The following CSMD1 variants were observed in gnomAD, a reference collection of about 807,000 sequenced individuals.
CSMD1 encodes the protein CUB and Sushi multiple domains 1.
In CSMD1, 213 loss-of-function variants were observed where a neutral mutation model predicts 417.5. The observed-to-expected ratio is 0.51, with a 90% CI of 0.46 to 0.57. CSMD1 has a LOEUF of 0.57. CSMD1 is among the 20% of genes least tolerant of loss of function. CSMD1 has a pLI of 0.00. For missense variants in CSMD1, 6,923 were observed against 4,529.7 expected, an observed-to-expected ratio of 1.53 and a Z score of -15.17; for synonymous variants, 2,862 against 1,736.8, an observed-to-expected ratio of 1.65 and a Z score of -16.11.
At chr8:4,389,738 T>C (rs2128923149) in intron 3 of CSMD1, among the ~76,000 whole-genome samples, 1 of 152,300 alleles carries the variant, frequency 6.6e-6, no homozygotes, top group South Asian at 2.1e-4. Context: ...TTGGCATGAG[T>C]AGTTACACAA....
chr8:3,585,188 T>C (rs1334950837), intron 9 of CSMD1, among the ~76,000 whole-genome samples: 1 of 152,170 alleles, frequency 6.6e-6, no homozygotes, highest in Non-Finnish European at 1.5e-5. Flanking sequence ...ATTCTTAGCT[T>C]AGAGGACGAT....
chr8:3,911,421 G>A (rs1808457226), intron 5 of CSMD1, among the ~76,000 whole-genome samples: 1 of 151,550 alleles, frequency 6.6e-6, no homozygotes, highest in Admixed American at 6.6e-5. Flanking sequence ...CCAGTTACTC[G>A]GGAGGCTGAG....
intron 2 of CSMD1, among the ~76,000 whole-genome samples, chr8:4,450,321 C>G (rs6558884): frequency 0.26 from 39,190 of 152,006 alleles, 6,725 homozygotes; most frequent in African/African-American, 0.49. Flanking sequence ...AGTATTTTTT[C>G]TTTGTTTTTT....
chr8:4,084,591 G>T (rs1431340458), intron 3 of CSMD1, among the ~76,000 whole-genome samples: 2 of 152,066 alleles, frequency 1.3e-5, no homozygotes. Flanking sequence ...AACCTTGTTG[G>T]GAGAGAGAAA....
rs1022092502 is a variant in CSMD1 at position 3,462,126 on chromosome 8, C to T, written c.1561+6586G>A. 4.2e-5 allele frequency among the ~76,000 whole-genome samples: 6 copies of T among 141,992 alleles called. No homozygotes were observed. The East Asian group carries it at 8.1e-4, about 19-fold the overall frequency. 93.2% of individuals were successfully genotyped at this position (141,992 alleles called of 152,430 possible). A position where few individuals can be genotyped will look rare whatever the true frequency, so the allele number is the denominator to read the frequency against. On this transcript the variant is annotated intron_variant, in intron 12 of 69. Coordinates refer to ENST00000635120, the MANE Select transcript of CSMD1 (RefSeq NM_033225.6). ...GGTGCTCTCTTCAGAATCCAGGCCC[C>T]CCCCCCCACCTCCCAGCTGCTCGGG...
chr8:3,196,917 T>C, intron 33 of CSMD1, among the ~76,000 whole-genome samples: 1 of 152,192 alleles, frequency 6.6e-6, no homozygotes, highest in East Asian at 1.9e-4. Context: ...GATACATCCA[T>C]GCTGAAGGGT....
intron 1 of CSMD1, among the ~76,000 whole-genome samples, chr8:4,988,755 A>C (rs953289631): frequency 4.6e-5 from 7 of 152,262 alleles, no homozygotes; most frequent in Non-Finnish European, 8.8e-5. Flanking sequence ...AAATGGTTTA[A>C]AGAAAATTGC....
chr8:3,340,143 C>G, intron 23 of CSMD1, among the ~76,000 whole-genome samples: 1 of 152,156 alleles, frequency 6.6e-6, no homozygotes, highest in African/African-American at 2.4e-5. Flanking sequence ...ATAAGTTCAT[C>G]AGCAATTCTG....
chr8:4,716,242 C>T (rs1314304032), intron 1 of CSMD1, among the ~76,000 whole-genome samples: 1 of 152,170 alleles, frequency 6.6e-6, no homozygotes, highest in Non-Finnish European at 1.5e-5. Flanking sequence ...GCCAAGAATC[C>T]TTACACTTCA....
At chr8:3,211,570 G>A (rs1797608965) in intron 30 of CSMD1, among the ~76,000 whole-genome samples, 1 of 152,150 alleles carries the variant, frequency 6.6e-6, no homozygotes, top group Non-Finnish European at 1.5e-5. Context: ...ACTAGTTTTG[G>A]GGAGCCTTAT....
intron 3 of CSMD1, among the ~76,000 whole-genome samples, chr8:4,224,327 C>T (rs1801218023): frequency 6.6e-6 from 1 of 152,132 alleles, no homozygotes; most frequent in African/African-American, 2.4e-5. Flanking sequence ...AGTCCAAGAG[C>T]ACATTTTGGC....
intron 7 of CSMD1, among the ~76,000 whole-genome samples, chr8:3,690,777 T>C (rs1313593211): frequency 1.3e-5 from 2 of 152,196 alleles, no homozygotes; most frequent in African/African-American, 2.4e-5. Context: ...AAGATAAAGT[T>C]TAATTTATAA....
At chr8:4,221,356 C>G (rs1269426339) in intron 3 of CSMD1, among the ~76,000 whole-genome samples, 1 of 147,110 alleles carries the variant, frequency 6.8e-6, no homozygotes. Flanking sequence ...CACAAAGAAG[C>G]CCATCTCTAC....
At chr8:3,632,744 G>A (rs995005617) in intron 7 of CSMD1, among the ~76,000 whole-genome samples, 1 of 152,170 alleles carries the variant, frequency 6.6e-6, no homozygotes, top group Non-Finnish European at 1.5e-5. Flanking sequence ...CAATGTCCTT[G>A]CCAAGTTTTG....
intron 26 of CSMD1, among the ~76,000 whole-genome samples, chr8:3,231,100 G>A (rs576799057): frequency 6.6e-6 from 1 of 152,146 alleles, no homozygotes; most frequent in African/African-American, 2.4e-5. Context: ...TTTCACCAGA[G>A]TATCCCCCAT....
At chr8:4,619,801 A>T (rs975139834) in intron 2 of CSMD1, among the ~76,000 whole-genome samples, 4 of 152,178 alleles carry the variant, frequency 2.6e-5, no homozygotes, top group Non-Finnish European at 5.9e-5. Context: ...CATATCACAT[A>T]GCACATATCA....
At chr8:4,593,541 T>C (rs930852113) in intron 2 of CSMD1, among the ~76,000 whole-genome samples, 1 of 152,312 alleles carries the variant, frequency 6.6e-6, no homozygotes, top group African/African-American at 2.4e-5. Context: ...AAAGTGACTA[T>C]TTGTAGCACT....
At chr8:3,086,637 G>A (rs536616596) in intron 49 of CSMD1, among the ~76,000 whole-genome samples, 1 of 151,862 alleles carries the variant, frequency 6.6e-6, no homozygotes, top group South Asian at 2.1e-4. Flanking sequence ...CCAAAAAAAA[G>A]GCATGAAATA....
Position 3,231,040 on chromosome 8 carries a change from C to T in CSMD1, c.4154-809G>A, listed in dbSNP as rs185985642. ...CCTAAAATCACCTCCCATATGCAGC[C>T]ATCGACTCTGCCTGCGCCTAATCAC... On this transcript the variant is annotated intron_variant, in intron 26 of 69. Coordinates refer to ENST00000635120, the MANE Select transcript of CSMD1 (RefSeq NM_033225.6). Among the ~76,000 whole-genome samples, 10 of 152,186 alleles carry T rather than the reference C, an allele frequency of 6.6e-5. No homozygotes were observed. The East Asian group carries it at 1.4e-3, about 21-fold the overall frequency.
Sources: gnomAD v4.1 joint callset for allele counts (sites outside exome capture counted in the v4.1 genomes callset) on GRCh38, gnomAD v4.1.1 for gene constraint, MANE v1.5 for transcripts, NCBI Gene and HGNC (gene_info 2026-07-23, HGNC 2026-07-21) for gene names.